Variants in NBAS observed in about 807,000 individuals in gnomAD.
NBAS encodes the protein NAG/BC035112 fusion.
Under a neutral mutation model 302.5 loss-of-function variants are expected in NBAS, and 219 were observed. The observed-to-expected ratio is 0.72, with a 90% CI of 0.65 to 0.81. The LOEUF is 0.81. NBAS is among the 30% of genes least tolerant of loss of function. The pLI, the probability that NBAS is intolerant of heterozygous loss-of-function variation, is 0.00. For missense variants in NBAS, 2,932 were observed against 2,841.6 expected (o/e 1.03, Z -0.72); for synonymous variants, 1,118 against 1,021.6 (o/e 1.09, Z -1.80).
chr2:15,040,611 G>T, the NBAS span, among the ~76,000 whole-genome samples: 4 of 152,210 alleles, frequency 2.6e-5, no homozygotes, highest in African/African-American at 9.6e-5. Flanking sequence ...CTCAGCAGTT[G>T]GCCTGCACCA....
At chr2:14,926,917 T>C in the NBAS span, among the ~76,000 whole-genome samples, 2 of 152,266 alleles carry the variant, frequency 1.3e-5, no homozygotes, top group Admixed American at 6.5e-5. Context: ...TTGCTGAACA[T>C]TATTCTGGAT....
chr2:15,164,465 AG>A, downstream of NBAS, among the ~76,000 whole-genome samples: 1 of 152,352 alleles, frequency 6.6e-6, no homozygotes, highest in East Asian at 1.9e-4. Context: ...GTTATGGGTA[AG>A]AAAACTGAGG....
At chr2:15,135,569 T>G in the NBAS span, among the ~76,000 whole-genome samples, 4 of 152,202 alleles carry the variant, frequency 2.6e-5, no homozygotes, top group East Asian at 7.7e-4. Flanking sequence ...GTGAAGGTTG[T>G]GAAGAGGAGT....
chr2:15,193,067 T>C (rs1665438814), intron 48 of NBAS, among the ~76,000 whole-genome samples: 1 of 152,170 alleles, frequency 6.6e-6, no homozygotes, highest in Non-Finnish European at 1.5e-5. Context: ...TTTATAATAG[T>C]GTGCAAATAA....
intron 38 of NBAS, among the ~76,000 whole-genome samples, chr2:15,324,234 C>T (rs1671960584): frequency 6.6e-6 from 1 of 152,062 alleles, no homozygotes; most frequent in Non-Finnish European, 1.5e-5. Context: ...ACTTGAAATC[C>T]CTACAGCTTT....
chr2:15,462,868 A>G (rs898378236), intron 19 of NBAS, among the ~76,000 whole-genome samples: 2 of 152,228 alleles, frequency 1.3e-5, no homozygotes, highest in Non-Finnish European at 2.9e-5. Context: ...TTAAAGGATG[A>G]ACAAGGAAAA....
the NBAS span, among the ~76,000 whole-genome samples, chr2:15,135,584 C>T: frequency 5.9e-5 from 9 of 152,030 alleles, no homozygotes; most frequent in Admixed American, 1.3e-4. Context: ...AGGAGTGAGC[C>T]GAGCATGGAG....
chr2:14,837,616 T>C, the NBAS span, among the ~76,000 whole-genome samples: 1 of 151,856 alleles, frequency 6.6e-6, no homozygotes, highest in Non-Finnish European at 1.5e-5. Context: ...ATTTAGATTT[T>C]ATGTTTATTC....
At chr2:15,264,813 G>A (rs1669003246) in intron 44 of NBAS, among the ~76,000 whole-genome samples, 1 of 152,144 alleles carries the variant, frequency 6.6e-6, no homozygotes, top group African/African-American at 2.4e-5. Context: ...TTATATAATA[G>A]CATCTGGTGG....
chr2:15,455,176 T>TA (rs2148546825), intron 21 of NBAS, among the ~76,000 whole-genome samples: 1 of 152,310 alleles, frequency 6.6e-6, no homozygotes, highest in Admixed American at 6.5e-5. Flanking sequence ...GTGCTGGGAT[T>TA]ACAGGCGTGA....
chr2:15,181,235 T>C (rs6740933), intron 50 of NBAS, among the ~76,000 whole-genome samples: 41,905 of 152,098 alleles, frequency 0.28, 7,146 homozygotes, highest in East Asian at 0.67. Flanking sequence ...TATTTAGACA[T>C]AGCATGACAC....
chr2:14,870,920 T>TA, the NBAS span, among the ~76,000 whole-genome samples: 1 of 148,866 alleles, frequency 6.7e-6, no homozygotes, highest in African/African-American at 2.5e-5. Flanking sequence ...ATGAGAAACA[T>TA]AAAAGAAATT....
chr2:15,456,689 T>G (rs890886815), intron 21 of NBAS, among the ~76,000 whole-genome samples: 3 of 152,206 alleles, frequency 2.0e-5, no homozygotes, highest in Non-Finnish European at 4.4e-5. Context: ...CGCTGTCCAT[T>G]GGAGCTGCTA....
At position 15,369,289 on chromosome 2, in the gene NBAS, A is replaced by G. The variant is rs1000388444; in HGVS notation, c.3704-2596T>C. ...CTAAACTGACTTCCTTACTTTTACC[A>G]CTCTTTTTCCACCTCAATAAACTCA... On this transcript the variant is annotated intron_variant, in intron 31 of 51. Coordinates refer to ENST00000281513, the MANE Select transcript of NBAS (RefSeq NM_015909.4). 1.3e-4 allele frequency among the ~76,000 whole-genome samples: 20 copies of G among 151,774 alleles called. 1 individual carries two copies. Among genetic ancestry groups the G allele is most frequent in the African/African-American group, 4.8e-4 (20 of 41,322 alleles).
At chr2:15,439,482 T>TA (rs763284660) in intron 21 of NBAS, among the ~76,000 whole-genome samples, 1,547 of 144,980 alleles carry the variant, frequency 0.011, 14 homozygotes, top group African/African-American at 0.024. Flanking sequence ...AGGGATAAAT[T>TA]AAAAAAAAAA....
At chr2:15,072,501 A>T in the NBAS span, among the ~76,000 whole-genome samples, 548 of 152,256 alleles carry the variant, frequency 3.6e-3, 5 homozygotes, top group African/African-American at 0.013. Context: ...TTTTAAAAAA[A>T]TTTTATCTAG....
At chr2:14,929,179 A>G in the NBAS span, among the ~76,000 whole-genome samples, 1 of 152,128 alleles carries the variant, frequency 6.6e-6, no homozygotes, top group African/African-American at 2.4e-5. Flanking sequence ...AGCAGAACTG[A>G]GGATGTTTCT....
the NBAS span, among the ~76,000 whole-genome samples, chr2:15,042,412 G>A: frequency 2.0e-5 from 1 of 49,296 alleles, no homozygotes; most frequent in Non-Finnish European, 3.7e-5. Context: ...GCTGGGAGAA[G>A]GAAGTAGAGA....
At chr2:15,331,177 G>A (rs753267024) in intron 35 of NBAS, among the ~76,000 whole-genome samples, 12 of 152,088 alleles carry the variant, frequency 7.9e-5, no homozygotes, top group Non-Finnish European at 1.3e-4. Flanking sequence ...TAATGCCACT[G>A]TGACCCAGAA....
Sources: allele counts gnomAD v4.1 joint callset (sites outside exome capture counted in the v4.1 genomes callset), GRCh38; gene constraint gnomAD v4.1.1; transcripts MANE v1.5; gene names NCBI Gene and HGNC (gene_info 2026-07-23, HGNC 2026-07-21).